ARHGAP39: variants seen among roughly 807,000 people sequenced by gnomAD.
ARHGAP39 encodes the protein Rho GTPase activating protein 39, also known as rho GTPase-activating protein 39.
ARHGAP39 carries 44 observed loss-of-function variants against 106.9 expected under a neutral mutation model. That is an observed-to-expected ratio of 0.41 (90% CI 0.32 to 0.53). The LOEUF (loss-of-function observed/expected upper bound fraction) is 0.53, where lower values mean the gene tolerates loss of function less well. Among genes scored for constraint, ARHGAP39 ranks in the 20% least tolerant of loss-of-function variants. ARHGAP39 has a pLI of 0.21. For missense variants in ARHGAP39, 1,496 were observed against 1,577.3 expected, an observed-to-expected ratio of 0.95 and a Z score of 0.87; for synonymous variants, 768 against 693.2, an observed-to-expected ratio of 1.11 and a Z score of -1.69.
intron 7 of ARHGAP39, among the ~76,000 whole-genome samples, chr8:144,535,263 T>G (rs564675506): frequency 2.0e-5 from 3 of 152,350 alleles, no homozygotes; most frequent in African/African-American, 2.4e-5. Context: ...CATCTCTAAT[T>G]ATCACAGAAT....
chr8:144,533,158 C>A lies in ARHGAP39; in HGVS notation c.2856G>T (p.Ala952=), dbSNP rs762037018. The change falls in exon 9 of 12, where the codon GCG becomes GCT. Residue 952 remains alanine (A), a synonymous_variant. Transcript: ENST00000377307. The part of the protein sequence containing the change: ...VQTRLSEEVL[A]LNGDQTEGIF... The stretch of plus-strand genomic sequence containing the variant: ...TGCCCTCTGTCTGGTCACCGTTGAG[C>A]GCCAGCACCTCCTCAGAGAGCCGTG... The A allele has an allele frequency of 1.2e-6, 2 of 1,609,220 alleles. No individual in the cohort carries two copies. The highest frequency in any genetic ancestry group is 1.7e-6 in the Non-Finnish European group (2 of 1,179,424).
intron 3 of ARHGAP39, among the ~76,000 whole-genome samples, chr8:144,562,422 T>C (rs1167563795): frequency 1.3e-5 from 2 of 151,126 alleles, no homozygotes; most frequent in Non-Finnish European, 2.9e-5. Flanking sequence ...GTGGTTTCCA[T>C]CGGACCCCAG....
intron 8 of ARHGAP39, 73 bp from the exon 9 acceptor site, chr8:144,533,398 T>C (rs1314220465): frequency 2.0e-6 from 3 of 1,489,260 alleles, no homozygotes; most frequent in African/African-American, 2.8e-5. Context: ...GGTTGTCTTC[T>C]TTCCCCGAAC....
chr8:144,587,654 CT>C (rs1182233262), intron 2 of ARHGAP39, among the ~76,000 whole-genome samples: 7,008 of 136,044 alleles, frequency 0.052, 143 homozygotes, highest in Middle Eastern at 0.064. Flanking sequence ...GGCAGAGAGA[CT>C]TTTTTTTTTT....
chr8:144,605,053 G>C (rs954182405), intron 2 of ARHGAP39, among the ~76,000 whole-genome samples: 2 of 152,168 alleles, frequency 1.3e-5, no homozygotes, highest in African/African-American at 4.8e-5. Flanking sequence ...GATCGCTTGA[G>C]CCCAGGAGTT....
chr8:144,600,596 G>A (rs1467439735), intron 2 of ARHGAP39, among the ~76,000 whole-genome samples: 2 of 149,586 alleles, frequency 1.3e-5, no homozygotes, highest in African/African-American at 5.0e-5. Flanking sequence ...ATACCTGAGT[G>A]TGCGTGTTCG....
rs948030267 is a variant in ARHGAP39 at position 144,547,247 on chromosome 8, C to T, written c.1839G>A (p.Glu613=). The stretch of plus-strand genomic sequence containing the variant: ...AGGTGCCCCTCCTCCAGTGCCTGTT[C>T]TCCTGCTGGGCCAGCGCCTCGTCCT... ...FSEDEALAQQ[E]NRHWRRGTFE... is the part of the protein sequence containing the mutation. Residue 613 remains glutamate (E), a synonymous_variant, in exon 5 of 12, where the codon GAG becomes GAA. Coordinates refer to ENST00000377307, the MANE Select transcript of ARHGAP39 (RefSeq NM_025251.3). The surrounding 1 kb of genome is among the most constrained non-coding windows in gnomAD (Gnocchi z 5.2). 13 of 1,612,474 alleles carry T rather than the reference C, an allele frequency of 8.1e-6. No homozygotes were observed. Among genetic ancestry groups the T allele is most frequent in the African/African-American group, 4.0e-5 (3 of 74,914 alleles).
At position 144,605,679 on chromosome 8, in the gene ARHGAP39, G is replaced by A. The variant is rs1820264460; in HGVS notation, c.-65C>T. 4.5e-6 allele frequency: 7 copies of A among 1,540,298 alleles called. No individual in the cohort carries two copies. In the Admixed American group the frequency reaches 1.2e-4, roughly 26 times the overall value. The stretch of plus-strand genomic sequence containing the variant: ...CACCATACGCACAACGCCAGCATCA[G>A]ACGGGAAGGTGCCGCACTGCAAGAG... On this transcript the variant is annotated 5_prime_UTR_variant, in exon 2 of 12. Coordinates refer to ENST00000377307, the MANE Select transcript of ARHGAP39 (RefSeq NM_025251.3).
chr8:144,566,521 C>T (rs1014243070), intron 3 of ARHGAP39, among the ~76,000 whole-genome samples: 2 of 152,124 alleles, frequency 1.3e-5, no homozygotes, highest in Admixed American at 1.3e-4. Flanking sequence ...CGCCATTCCA[C>T]TCCAGCCTGG....
rs61746796 is a variant in ARHGAP39, at chr8:144,545,628, C to T, written c.2142G>A (p.Val714=). ...KHTQGLFRRK[V]SIANMLAWSS... ...TCCAGGCCAGCATGTTGGCGATGGA[C>T]ACCTTCCGCCGGAAGAGGCCCTGCG... Residue 714 remains valine (V), a synonymous_variant, in exon 6 of 12, where the codon GTG becomes GTA. Transcript: ENST00000377307. 2.0e-4 allele frequency: 330 copies of T among 1,613,674 alleles called. 1 individual carries two copies. In the African/African-American group the frequency reaches 4.1e-3, roughly 20 times the overall value.
chr8:144,680,363 A>C (rs1010321368), intron 1 of ARHGAP39, among the ~76,000 whole-genome samples: 1 of 152,248 alleles, frequency 6.6e-6, no homozygotes, highest in Non-Finnish European at 1.5e-5. Flanking sequence ...GTTCAGCCAG[A>C]GCGGCCATGG....
chr8:144,613,974 G>C (rs1315573711), intron 1 of ARHGAP39, among the ~76,000 whole-genome samples: 1 of 152,148 alleles, frequency 6.6e-6, no homozygotes, highest in Non-Finnish European at 1.5e-5. Flanking sequence ...GTTTCAGTTT[G>C]GAGAGTGTCT....
chr8:144,640,588 T>C (rs2130987581), intron 1 of ARHGAP39, among the ~76,000 whole-genome samples: 1 of 152,330 alleles, frequency 6.6e-6, no homozygotes, highest in East Asian at 1.9e-4. Context: ...GTCTCAGGTA[T>C]GTTTTTATCA....
chr8:144,656,856 T>C (rs1821711587), intron 1 of ARHGAP39, among the ~76,000 whole-genome samples: 1 of 142,668 alleles, frequency 7.0e-6, no homozygotes, highest in Non-Finnish European at 1.5e-5. Flanking sequence ...TATATAAGAC[T>C]GGATCTCTAT....
chr8:144,622,780 T>A (rs369188978), intron 1 of ARHGAP39, among the ~76,000 whole-genome samples: 1 of 152,220 alleles, frequency 6.6e-6, no homozygotes, highest in African/African-American at 2.4e-5. Flanking sequence ...AGCAGGAACC[T>A]GGAAAAAGGA....
chr8:144,562,769 T>C (rs1818247905), intron 3 of ARHGAP39, among the ~76,000 whole-genome samples: 1 of 149,794 alleles, frequency 6.7e-6, no homozygotes, highest in Non-Finnish European at 1.5e-5. Context: ...TGGACTCCAG[T>C]GGTTTCCATC....
chr8:144,566,559 A>T (rs1818403321), intron 3 of ARHGAP39, among the ~76,000 whole-genome samples: 1 of 152,158 alleles, frequency 6.6e-6, no homozygotes, highest in Non-Finnish European at 1.5e-5. Context: ...TGCCTCAAAA[A>T]AATAGAATGA....
intron 1 of ARHGAP39, among the ~76,000 whole-genome samples, chr8:144,648,992 AT>A (rs1278904737): frequency 3.3e-5 from 5 of 152,346 alleles, no homozygotes; most frequent in Admixed American, 2.6e-4. Context: ...AGACAAAAAA[AT>A]AACCAAAATC....
At chr8:144,549,863 C>T (rs1205689125) in intron 4 of ARHGAP39, among the ~76,000 whole-genome samples, 1 of 152,224 alleles carries the variant, frequency 6.6e-6, no homozygotes, top group Admixed American at 6.5e-5. Context: ...ATATTTTCTT[C>T]TCAACTGCCT....
Sources: gnomAD v4.1 joint callset for allele counts (sites outside exome capture counted in the v4.1 genomes callset) on GRCh38, gnomAD v4.1.1 for gene constraint, Gnocchi (gnomAD v3.1) non-coding constraint, MANE v1.5 for transcripts, NCBI Gene and HGNC (gene_info 2026-07-23, HGNC 2026-07-21) for gene names.